The following SDF4 variants were observed in gnomAD, a reference collection of about 807,000 sequenced individuals.
SDF4 encodes the protein 45 kDa calcium-binding protein.
A neutral mutation model predicts 34.2 loss-of-function variants in SDF4; 22 were observed. The observed-to-expected ratio is 0.64, with a 90% confidence interval of 0.46 to 0.92. The LOEUF (loss-of-function observed/expected upper bound fraction) is 0.92. SDF4 is among the 40% of genes least tolerant of loss of function. The pLI is 0.00. For missense variants in SDF4, 447 were observed against 499.9 expected, an observed-to-expected ratio of 0.89 and a Z score of 1.01; for synonymous variants, 236 against 203.1, an observed-to-expected ratio of 1.16 and a Z score of -1.38.
rs781146930 is a variant in SDF4 at position 1,218,746 on chromosome 1, G to A, written c.715+23C>T. The stretch of plus-strand genomic sequence containing the variant: ...AGTCGGTCCTGGGTCCTGGCGTGCC[G>A]GCCAGGCTGGACCCAGCCTCACCCA... On this transcript the variant is annotated intron_variant, in intron 5 of 6. Coordinates refer to ENST00000360001, the MANE Select transcript of SDF4 (RefSeq NM_016176.6). The surrounding 1 kb of genome is among the most constrained non-coding windows in gnomAD (Gnocchi z 7.9). The A allele has an allele frequency of 1.2e-5, 19 of 1,612,124 alleles. No individual in the cohort carries two copies. The highest frequency in any genetic ancestry group is 4.5e-5 in the East Asian group (2 of 44,838).
At position 1,218,760 on chromosome 1, in the gene SDF4, C is replaced by T; in HGVS notation, c.715+9G>A. The T allele has an allele frequency of 1.2e-6, 2 of 1,612,454 alleles. No individual in the cohort carries two copies. The highest frequency in any genetic ancestry group is 2.2e-5 in the South Asian group (2 of 91,060). On this transcript the variant is annotated intron_variant, in intron 5 of 6. Coordinates refer to ENST00000360001, the MANE Select transcript of SDF4 (RefSeq NM_016176.6). The surrounding 1 kb of genome is among the most constrained non-coding windows in gnomAD (Gnocchi z 7.9). ...CCTGGCGTGCCGGCCAGGCTGGACC[C>T]AGCCTCACCCAGGTCCCGGACGATC...
intron 4 of SDF4, among the ~76,000 whole-genome samples, chr1:1,222,589 T>A (rs1650031011): frequency 6.6e-6 from 1 of 152,144 alleles, no homozygotes; most frequent in Admixed American, 6.5e-5. Context: ...CTGTGCCCTC[T>A]CCCCAGGAAA....
Position 1,217,347 on chromosome 1 carries a change from C to T in SDF4, c.*165G>A, listed in dbSNP as rs569088161. 2.4e-4 allele frequency: 109 copies of T among 451,634 alleles called. 1 individual carries two copies. In the East Asian group the frequency reaches 4.2e-3, roughly 17 times the overall value. 28.0% of individuals were successfully genotyped at this position (451,634 alleles called of 1,614,324 possible). A position where few individuals can be genotyped will look rare whatever the true frequency, so the allele number is the denominator to read the frequency against. On this transcript the variant is annotated 3_prime_UTR_variant, in exon 7 of 7. Coordinates refer to ENST00000360001, the MANE Select transcript of SDF4 (RefSeq NM_016176.6). The surrounding 1 kb of genome is among the most constrained non-coding windows in gnomAD (Gnocchi z 8.5). ...ACAGCCAAAGCCCCGCCGGGGTGCG[C>T]GCTGCAGAGGGGACACGCCGCTCAT...
At chr1:1,225,447 G>A (rs562841404) in intron 2 of SDF4, among the ~76,000 whole-genome samples, 5 of 152,206 alleles carry the variant, frequency 3.3e-5, no homozygotes, top group Non-Finnish European at 7.4e-5. Flanking sequence ...CCGCAGGCAC[G>A]GCTCAGAAGC....
intron 1 of SDF4, among the ~76,000 whole-genome samples, 171 bp from the exon 2 acceptor site, chr1:1,229,117 T>G (rs1281124098): frequency 6.6e-6 from 1 of 152,106 alleles, no homozygotes; most frequent in Non-Finnish European, 1.5e-5. Flanking sequence ...GGCATTGTTT[T>G]CTCCGGGCCA....
chr1:1,219,538 AAC>A lies in SDF4; in HGVS notation c.557-613_557-612del, dbSNP rs973415040. ...TCACGTGTGACGTCACAGGGAGGAA[AAC>A]ACAGTTTCTAGAAATGACTGAGACT... On this transcript the variant is annotated intron_variant, in intron 4 of 6. Coordinates refer to ENST00000360001, the MANE Select transcript of SDF4 (RefSeq NM_016176.6). 9 of 990,658 alleles carry A rather than the reference AAC, an allele frequency of 9.1e-6. No individual in the cohort carries two copies. In the African/African-American group the frequency reaches 1.2e-4, roughly 13 times the overall value. The allele number at this position is 990,658 out of a possible 1,614,324, so 61.4% of individuals were successfully genotyped here.
At chr1:1,230,340 G>A (rs904568476) in intron 1 of SDF4, among the ~76,000 whole-genome samples, 1 of 152,194 alleles carries the variant, frequency 6.6e-6, no homozygotes, top group Non-Finnish European at 1.5e-5. Context: ...CAGGTATCGA[G>A]AAACACCAGT....
intron 1 of SDF4, among the ~76,000 whole-genome samples, chr1:1,231,280 G>A (rs1237327512): frequency 6.6e-6 from 1 of 152,218 alleles, no homozygotes; most frequent in African/African-American, 2.4e-5. Context: ...TCAGTTCCCA[G>A]CAAGGAATCA....
At chr1:1,229,079 G>A (rs12760719) in intron 1 of SDF4, 133 bp from the exon 2 acceptor site, 17 of 402,816 alleles carry the variant, frequency 4.2e-5, no homozygotes, top group Admixed American at 4.1e-4. Flanking sequence ...CAGACCACAC[G>A]TGGCACTGCC....
chr1:1,226,503 G>C (rs900181505), intron 2 of SDF4, among the ~76,000 whole-genome samples: 1 of 152,222 alleles, frequency 6.6e-6, no homozygotes, highest in Non-Finnish European at 1.5e-5. Context: ...ACAAAAACGG[G>C]AGAGTCTGAG....
Position 1,217,727 on chromosome 1 carries a change from C to T in SDF4, c.892-39G>A, listed in dbSNP as rs1649608392. ...GGGCACAGGTCAGCGTCGCCTTTCCCCCTCCGAGCTCCGCGGCCAGCCGCA... is the reference window on the plus strand; with the variant it reads ...GGGCACAGGTCAGCGTCGCCTTTCCTCCTCCGAGCTCCGCGGCCAGCCGCA... On this transcript the variant is annotated intron_variant, in intron 6 of 6. Transcript: ENST00000360001. The surrounding 1 kb of genome is among the most constrained non-coding windows in gnomAD (Gnocchi z 8.5). 1 of 1,611,732 alleles carries T rather than the reference C, an allele frequency of 6.2e-7. No homozygotes were observed. Among genetic ancestry groups the T allele is most frequent in the Non-Finnish European group, 8.5e-7 (1 of 1,179,156 alleles).
intron 2 of SDF4, among the ~76,000 whole-genome samples, chr1:1,227,705 C>T (rs1399984265): frequency 6.6e-6 from 1 of 152,184 alleles, no homozygotes; most frequent in African/African-American, 2.4e-5. Flanking sequence ...CCGGCCGTGC[C>T]GTAAGGAGTA....
intron 4 of SDF4, 169 bp from the exon 5 acceptor site, chr1:1,219,096 C>T: frequency 2.0e-6 from 3 of 1,532,092 alleles, no homozygotes; most frequent in Non-Finnish European, 2.6e-6. Context: ...CCCTAAGACA[C>T]AGCCTGGACC....
chr1:1,217,473 G>A lies in SDF4; in HGVS notation c.*39C>T, dbSNP rs767139352. The A allele has an allele frequency of 2.8e-5, 40 of 1,432,196 alleles. No individual in the cohort carries two copies. The highest frequency in any genetic ancestry group is 2.2e-4 in the East Asian group (8 of 35,602). 88.7% of individuals were successfully genotyped at this position (1,432,196 alleles called of 1,614,324 possible). A position where few individuals can be genotyped will look rare whatever the true frequency, so the allele number is the denominator to read the frequency against. On this transcript the variant is annotated 3_prime_UTR_variant, in exon 7 of 7. Coordinates refer to ENST00000360001, the MANE Select transcript of SDF4 (RefSeq NM_016176.6). The surrounding 1 kb of genome is among the most constrained non-coding windows in gnomAD (Gnocchi z 8.5). ...CCGGAGTCACCCGCGAGGCCGCCCCGGTGGTGCGTGGGGGGCGGCGCGGGG... is the reference window on the plus strand; with the variant it reads ...CCGGAGTCACCCGCGAGGCCGCCCCAGTGGTGCGTGGGGGGCGGCGCGGGG...
rs1014962360 is a variant in SDF4, at chr1:1,228,568, C to T, written c.205G>A (p.Gly69Ser). 3.8e-5 allele frequency: 62 copies of T among 1,613,022 alleles called. No individual in the cohort carries two copies. Among genetic ancestry groups the T allele is most frequent in the Non-Finnish European group, 5.1e-5 (60 of 1,180,010 alleles). The change falls in exon 2 of 7, where the codon GGC (glycine) becomes AGC (serine). Residue 69 changes from glycine to serine, a missense_variant. By Grantham distance (56) the Gly-to-Ser change is moderately conservative. Transcript: ENST00000360001. ...KLEMDGHLNR[G>S]FHQEVFLGKD... The stretch of plus-strand genomic sequence containing the variant: ...CCTAGGAAGACCTCCTGGTGGAAGC[C>T]GCGATTGAGGTGCCCGTCCATCTCC...
intron 2 of SDF4, among the ~76,000 whole-genome samples, chr1:1,225,103 C>T (rs1313412462): frequency 1.3e-5 from 2 of 152,168 alleles, no homozygotes; most frequent in South Asian, 2.1e-4. Context: ...AGGTCACTCC[C>T]GTCCCAGCTT....
chr1:1,220,285 G>C, intron 4 of SDF4: 1 of 1,086,332 alleles, frequency 9.2e-7, no homozygotes, highest in Non-Finnish European at 1.1e-6. Context: ...AGAGGACGCA[G>C]ACCCAGAGAG....
chr1:1,217,511 C>T lies in SDF4; in HGVS notation c.*1G>A. 1 of 1,586,558 alleles carries T rather than the reference C, an allele frequency of 6.3e-7. No homozygotes were observed. The highest frequency in any genetic ancestry group is 8.6e-7 in the Non-Finnish European group (1 of 1,165,380). Reference sequence around the variant, plus strand: ...GGGCGGCGCGGGGCGCGGCCGGGCGCTCAAAACTCCTCGTGCACGCTGCGC... The same window carrying T: ...GGGCGGCGCGGGGCGCGGCCGGGCGTTCAAAACTCCTCGTGCACGCTGCGC... On this transcript the variant is annotated 3_prime_UTR_variant, in exon 7 of 7. Coordinates refer to ENST00000360001, the MANE Select transcript of SDF4 (RefSeq NM_016176.6). The surrounding 1 kb of genome is among the most constrained non-coding windows in gnomAD (Gnocchi z 8.5).
In SDF4 at chr1:1,223,971, G is replaced by GCAAGACAGC; in HGVS notation, c.306-12_306-4dup. 6.2e-7 allele frequency: 1 copy of GCAAGACAGC among 1,609,720 alleles called. No homozygotes were observed. ...TCCGGTCAGTGTTCACATCCACCCT[G>GCAAGACAGC]CAAGACAGCAAATGGGCAGGTGGCC... On this transcript the variant is annotated splice_region_variant and splice_polypyrimidine_tract_variant and intron_variant, in intron 2 of 6. Coordinates refer to ENST00000360001, the MANE Select transcript of SDF4 (RefSeq NM_016176.6).
Sources: gnomAD v4.1 joint callset for allele counts (sites outside exome capture counted in the v4.1 genomes callset) on GRCh38, gnomAD v4.1.1 for gene constraint, Gnocchi (gnomAD v3.1) non-coding constraint, MANE v1.5 for transcripts, NCBI Gene and HGNC (gene_info 2026-07-23, HGNC 2026-07-21) for gene names.